XPO5: variants seen among roughly 807,000 people sequenced by gnomAD.
The protein encoded by XPO5 is exportin-5.
XPO5 carries 46 observed loss-of-function variants against 160.6 expected under a neutral mutation model. The observed-to-expected ratio is 0.29, with a 90% confidence interval of 0.23 to 0.37. The LOEUF (loss-of-function observed/expected upper bound fraction) is 0.37, where lower values mean the gene tolerates loss of function less well. Among genes scored for constraint, XPO5 ranks in the 10% least tolerant of loss-of-function variants. The pLI, the probability that XPO5 is intolerant of heterozygous loss-of-function variation, is 1.00. For missense variants in XPO5, 1,090 were observed against 1,463.9 expected (o/e 0.74, Z 4.17); for synonymous variants, 537 against 519.3 (o/e 1.03, Z -0.46).
chr6:43,535,526 C>G (rs1262288975), intron 20 of XPO5, among the ~76,000 whole-genome samples: 1 of 152,104 alleles, frequency 6.6e-6, no homozygotes, highest in Non-Finnish European at 1.5e-5. Context: ...CATGTTTAAG[C>G]CTCCATAGTT....
In XPO5 at chr6:43,555,877, T is replaced by G; in HGVS notation, c.1400A>C (p.Lys467Thr). The G allele has an allele frequency of 6.2e-7, 1 of 1,613,990 alleles. No individual in the cohort carries two copies. The highest frequency in any genetic ancestry group is 8.5e-7 in the Non-Finnish European group (1 of 1,179,884). The change falls in exon 13 of 32, where the codon AAG becomes ACG. Residue 467 changes from lysine (K) to threonine (T), a missense_variant. Physicochemically the swap from Lys to Thr is moderately conservative, Grantham distance 78. Coordinates refer to ENST00000265351, the MANE Select transcript of XPO5 (RefSeq NM_020750.3). ...ATCAAGAAAAGTTGATAGTTGATACTTTAGCCACTCCCCAGCCATCTGGAA... is the reference window on the plus strand; with the variant it reads ...ATCAAGAAAAGTTGATAGTTGATACGTTAGCCACTCCCCAGCCATCTGGAA... Reference protein sequence around the residue: ...TSFQMAGEWLKYQLSTFLDAG... With the variant: ...TSFQMAGEWLTYQLSTFLDAG...
chr6:43,555,774 CTATA>C (rs1762048455), intron 13 of XPO5, 58 bp downstream of exon 13: 2 of 1,599,500 alleles, frequency 1.3e-6, no homozygotes, highest in African/African-American at 1.3e-5. Flanking sequence ...GGCTCATTTC[CTATA>C]TATAGTTTTG....
chr6:43,526,584 T>C, intron 27 of XPO5, 101 bp downstream of exon 27: 2 of 1,295,462 alleles, frequency 1.5e-6, no homozygotes, highest in South Asian at 1.3e-5. Flanking sequence ...ACATGTAGGG[T>C]GTCTTCTCCT....
intron 26 of XPO5, chr6:43,527,295 C>T (rs1236205618): frequency 2.4e-5 from 5 of 210,360 alleles, no homozygotes; most frequent in East Asian, 1.2e-4. Context: ...TTTTTTGAGA[C>T]GGAGTTTCAC....
At chr6:43,532,798 T>C (rs924590365) in intron 21 of XPO5, among the ~76,000 whole-genome samples, 2 of 152,220 alleles carry the variant, frequency 1.3e-5, no homozygotes, top group African/African-American at 4.8e-5. Flanking sequence ...TGCACAGTTA[T>C]TTTCATGCTT....
At chr6:43,530,909 C>A in intron 22 of XPO5, 85 bp from the exon 23 acceptor site, 3 of 1,476,990 alleles carry the variant, frequency 2.0e-6, no homozygotes, top group South Asian at 1.4e-5. Flanking sequence ...TCATTTCTAG[C>A]CTACAATAAG....
chr6:43,557,860 C>A (rs532063743), intron 12 of XPO5, among the ~76,000 whole-genome samples: 3 of 147,518 alleles, frequency 2.0e-5, no homozygotes, highest in African/African-American at 7.4e-5. Context: ...CTTTGGGAGA[C>A]TGAGGCGGGC....
chr6:43,571,139 A>C, intron 3 of XPO5, 145 bp from the exon 4 acceptor site: 3 of 839,880 alleles, frequency 3.6e-6, no homozygotes, highest in Non-Finnish European at 5.5e-6. Flanking sequence ...CTTCAGCCTG[A>C]GTCACTTGTC....
chr6:43,528,014 C>T, intron 25 of XPO5, 145 bp downstream of exon 25: 7 of 846,304 alleles, frequency 8.3e-6, no homozygotes, highest in Non-Finnish European at 1.9e-6. Context: ...CCTGTCCAGA[C>T]AAGCCATGTA....
rs754551101 is a variant in XPO5 at position 43,547,717 on chromosome 6, G to A, written c.2061-10C>T. ...AACATCTGACAGCACTCTGAAGGTTGGAGGGGGAAAAACAAGTTACATCAT... is the reference window on the plus strand; with the variant it reads ...AACATCTGACAGCACTCTGAAGGTTAGAGGGGGAAAAACAAGTTACATCAT... On this transcript the variant is annotated splice_polypyrimidine_tract_variant and intron_variant, in intron 18 of 31. Coordinates refer to ENST00000265351, the MANE Select transcript of XPO5 (RefSeq NM_020750.3). The A allele has an allele frequency of 1.9e-6, 3 of 1,612,726 alleles. No homozygotes were observed. In the South Asian group the frequency reaches 3.3e-5, roughly 18 times the overall value.
At chr6:43,563,486 C>A (rs548616547) in intron 8 of XPO5, among the ~76,000 whole-genome samples, 1 of 152,320 alleles carries the variant, frequency 6.6e-6, no homozygotes, top group East Asian at 1.9e-4. Flanking sequence ...GAAGCCCTTA[C>A]AGTCATGCAT....
intron 21 of XPO5, among the ~76,000 whole-genome samples, chr6:43,531,940 G>A (rs1163870311): frequency 1.3e-5 from 2 of 152,176 alleles, no homozygotes; most frequent in African/African-American, 4.8e-5. Context: ...ACTAAGATGT[G>A]TAGCAGCTAA....
intron 24 of XPO5, 63 bp downstream of exon 24, chr6:43,528,765 G>A: frequency 2.0e-6 from 3 of 1,496,864 alleles, no homozygotes; most frequent in South Asian, 2.4e-5. Context: ...GACTTGCAAA[G>A]CTCAGAAATG....
intron 20 of XPO5, among the ~76,000 whole-genome samples, chr6:43,540,225 A>C (rs1412011990): frequency 6.6e-6 from 1 of 152,222 alleles, no homozygotes; most frequent in Non-Finnish European, 1.5e-5. Context: ...CCCTGTCTCT[A>C]CTGAAGATAC....
chr6:43,555,814 T>C lies in XPO5; in HGVS notation c.1441+22A>G, dbSNP rs546555103. On this transcript the variant is annotated intron_variant, in intron 13 of 31. Coordinates refer to ENST00000265351, the MANE Select transcript of XPO5 (RefSeq NM_020750.3). The stretch of plus-strand genomic sequence containing the variant: ...ATACTGTCCTAACATTTCACTAACA[T>C]TCAGTAATGAAAAAAACTTACAATT... 752 of 1,613,674 alleles carry C rather than the reference T, an allele frequency of 4.7e-4. 13 individuals are homozygous for C. In the South Asian group the frequency reaches 7.8e-3, roughly 17 times the overall value.
rs915680327 is a variant in XPO5 at position 43,575,954 on chromosome 6, C to T, written c.-90G>A. ...CCTCGGCGAGACCACCCGTTGGTAC[C>T]GGGCCGCGGCGGGCGGCGGGGGTGG... On this transcript the variant is annotated 5_prime_UTR_variant, in exon 1 of 32. Coordinates refer to ENST00000265351, the MANE Select transcript of XPO5 (RefSeq NM_020750.3). 81 of 1,271,502 alleles carry T rather than the reference C, an allele frequency of 6.4e-5. No individual in the cohort carries two copies. The highest frequency in any genetic ancestry group is 9.1e-5 in the South Asian group (7 of 77,014). 78.8% of individuals were successfully genotyped at this position (1,271,502 alleles called of 1,614,324 possible).
intron 13 of XPO5, 117 bp from the exon 14 acceptor site, chr6:43,553,620 A>C: frequency 6.9e-7 from 1 of 1,442,364 alleles, no homozygotes; most frequent in Non-Finnish European, 9.1e-7. Context: ...TGAGAATTTC[A>C]TGATTGAAGG....
At chr6:43,556,715 T>C (rs565236355) in intron 12 of XPO5, among the ~76,000 whole-genome samples, 5 of 152,262 alleles carry the variant, frequency 3.3e-5, no homozygotes, top group South Asian at 2.1e-4. Flanking sequence ...AAACCTTGTA[T>C]ATAAATGTTC....
At chr6:43,562,393 G>T in intron 8 of XPO5, 47 bp from the exon 9 acceptor site, 1 of 1,390,420 alleles carries the variant, frequency 7.2e-7, no homozygotes. Flanking sequence ...TAAAAAGGCT[G>T]TAATAAAAAC....
Sources: gnomAD v4.1 joint callset for allele counts (sites outside exome capture counted in the v4.1 genomes callset) on GRCh38, gnomAD v4.1.1 for gene constraint, MANE v1.5 for transcripts, NCBI Gene and HGNC (gene_info 2026-07-23, HGNC 2026-07-21) for gene names.